MALAT1: variants seen among roughly 807,000 people sequenced by gnomAD.
MALAT1 encodes metastasis associated lung adenocarcinoma transcript 1, also known as hepcarcin.
chr11:65,498,613 A>G lies in MALAT1; in HGVS notation n.179-69A>G, dbSNP rs766677746. 97 of 518,768 alleles carry G rather than the reference A, an allele frequency of 1.9e-4. 2 individuals carry two copies. The highest frequency in any genetic ancestry group is 1.3e-3 in the South Asian group (92 of 71,590). 32.1% of individuals were successfully genotyped at this position (518,768 alleles called of 1,614,324 possible). On this transcript the variant is annotated intron_variant and non_coding_transcript_variant, in intron 1 of 3. Transcript: ENST00000619449. ...TTGCCACTTCTCAACCGTCCCTGCA[A>G]GGCTGGGGCTCAGTTGCGTAATGGA...
chr11:65,506,213 T>G (rs1286603077), intron 3 of MALAT1: 1 of 454,532 alleles, frequency 2.2e-6, no homozygotes, highest in Non-Finnish European at 4.2e-6. Flanking sequence ...ACTCTTTCTG[T>G]ATTTCTCCTT....
chr11:65,499,666 C>G (rs766121023), exon 3 of MALAT1: 6 of 434,762 alleles, frequency 1.4e-5, no homozygotes, highest in Non-Finnish European at 2.3e-5. Flanking sequence ...AAGTGGAAAA[C>G]TGGAAGACAG....
chr11:65,498,983 T>A (rs1260422364), exon 3 of MALAT1: 1 of 518,930 alleles, frequency 1.9e-6, no homozygotes, highest in Admixed American at 1.9e-5. Flanking sequence ...CGGAAGGTGA[T>A]CGAATTCCGG....
exon 3 of MALAT1, chr11:65,502,863 C>A (rs544964877): frequency 1.2e-5 from 6 of 494,620 alleles, no homozygotes; most frequent in African/African-American, 1.2e-4. Context: ...TTTAAAGTTA[C>A]GGAATCTACC....
At chr11:65,501,710 G>A in exon 3 of MALAT1, 2 of 519,016 alleles carry the variant, frequency 3.9e-6, no homozygotes, top group Middle Eastern at 6.4e-4. Flanking sequence ...CCCAGTTGAA[G>A]CTGAAAAGTA....
At chr11:65,503,281 CT>C (rs1296507613) in exon 3 of MALAT1, 1 of 517,718 alleles carries the variant, frequency 1.9e-6, no homozygotes, top group Admixed American at 2.0e-5. Context: ...AACCATGGCA[CT>C]TTCTCCTGAC....
chr11:65,503,557 C>G (rs778600417), exon 3 of MALAT1: 3 of 518,252 alleles, frequency 5.8e-6, no homozygotes, highest in Non-Finnish European at 1.2e-5. Context: ...CTAAAATTTA[C>G]ATGTTGTGAT....
chr11:65,499,426 G>A (rs1854486328), exon 3 of MALAT1: 1 of 479,116 alleles, frequency 2.1e-6, no homozygotes. Flanking sequence ...AAATGAAGGT[G>A]ACTTAAACAG....
chr11:65,497,932 G>T (rs773839253), intron 1 of MALAT1: 2 of 518,912 alleles, frequency 3.9e-6, no homozygotes, highest in Admixed American at 3.9e-5. Context: ...GCGACGAGTT[G>T]TGCTGCTATC....
exon 3 of MALAT1, chr11:65,499,537 T>C (rs1166710946): frequency 4.4e-6 from 2 of 457,654 alleles, no homozygotes; most frequent in South Asian, 1.6e-5. Flanking sequence ...TTGAAATCCA[T>C]GACGCAGGGA....
At chr11:65,499,011 C>G (rs773704554) in exon 3 of MALAT1, 1 of 518,766 alleles carries the variant, frequency 1.9e-6, no homozygotes, top group African/African-American at 1.9e-5. Context: ...AGTTGTTCTC[C>G]GTCTATAAAT....
exon 3 of MALAT1, chr11:65,501,081 CTG>C (rs758082322): frequency 1.2e-5 from 6 of 512,194 alleles, no homozygotes; most frequent in East Asian, 5.5e-5. Context: ...TTCAGCAAAT[CTG>C]TAAGCAGTTT....
exon 3 of MALAT1, chr11:65,500,669 T>G (rs535125746): frequency 1.9e-6 from 1 of 518,926 alleles, no homozygotes; most frequent in Non-Finnish European, 3.8e-6. Context: ...CGGCTTGGCT[T>G]GGCAACCACA....
At position 65,506,386 on chromosome 11, in the gene MALAT1, G is replaced by A. The variant is rs760759394; in HGVS notation, n.5295G>A. ...AATATAACTGCCTTGTCTTTTTCAG[G>A]TAATAGCCTGCAGCTGGTGTTTTGA... On this transcript the variant is annotated non_coding_transcript_exon_variant, in exon 4 of 4. Coordinates refer to ENST00000619449, the Ensembl canonical transcript of MALAT1. The A allele has an allele frequency of 9.6e-6, 4 of 416,310 alleles. No homozygotes were observed. The Admixed American group carries it at 1.2e-4, about 13-fold the overall frequency. 25.8% of individuals were successfully genotyped at this position (416,310 alleles called of 1,614,324 possible).
exon 3 of MALAT1, chr11:65,499,795 C>G: frequency 2.4e-6 from 1 of 417,600 alleles, no homozygotes; most frequent in Non-Finnish European, 4.6e-6. Flanking sequence ...AGAAAAAAGA[C>G]AAGCTAGGAA....
chr11:65,502,983 A>G (rs910173625), exon 3 of MALAT1: 3 of 496,144 alleles, frequency 6.0e-6, no homozygotes, highest in African/African-American at 1.9e-5. Flanking sequence ...CAAAAGCAGA[A>G]TAAAAGCGAA....
chr11:65,504,798 T>TG (rs1450828080), intron 3 of MALAT1: 2 of 518,892 alleles, frequency 3.9e-6, no homozygotes, highest in Admixed American at 1.9e-5. Context: ...TCCCCTCCCT[T>TG]GGTCTTAATT....
chr11:65,501,324 A>G (rs774083104), exon 3 of MALAT1: 6 of 518,694 alleles, frequency 1.2e-5, no homozygotes, highest in African/African-American at 1.9e-5. Context: ...GTAACAGAAA[A>G]CAAGAAAATC....
intron 1 of MALAT1, chr11:65,497,882 G>A (rs756882969): frequency 1.2e-5 from 6 of 518,726 alleles, no homozygotes; most frequent in Middle Eastern, 6.4e-4. Flanking sequence ...CCCCTCTGAC[G>A]CCTCCGGGAG....
Sources: allele counts gnomAD v4.1 joint callset, GRCh38; gene constraint gnomAD v4.1.1; transcripts MANE v1.5; gene names NCBI Gene and HGNC (gene_info 2026-07-23, HGNC 2026-07-21).